Variants in GPR158 observed in about 807,000 individuals in gnomAD.
The protein encoded by GPR158 is G protein-coupled receptor 158.
A neutral mutation model predicts 78.2 loss-of-function variants in GPR158; 30 were observed. The ratio of observed to expected loss-of-function variants is 0.38; its 90% CI spans 0.29 to 0.52. GPR158 has a LOEUF of 0.52. GPR158 is among the 20% of genes least tolerant of loss of function. The pLI, the probability that GPR158 is intolerant of heterozygous loss-of-function variation, is 0.83. For synonymous variants in GPR158, 581 were observed against 591.1 expected (o/e 0.98, Z 0.25); for missense variants, 1,463 against 1,523.5 (o/e 0.96, Z 0.66).
chr10:25,414,942 G>C (rs958317346), intron 4 of GPR158, among the ~76,000 whole-genome samples: 1 of 152,122 alleles, frequency 6.6e-6, no homozygotes, highest in Non-Finnish European at 1.5e-5. Flanking sequence ...CATACTGTGA[G>C]ACTTTGTGAG....
At chr10:25,324,831 CT>C (rs34746907) in intron 2 of GPR158, among the ~76,000 whole-genome samples, 437 of 125,352 alleles carry the variant, frequency 3.5e-3, no homozygotes, top group Middle Eastern at 0.025. Flanking sequence ...TTTTTTCTTT[CT>C]TTTTTTTTTT....
chr10:25,571,748 G>GAGAT (rs1349925931), intron 6 of GPR158, among the ~76,000 whole-genome samples: 1 of 152,074 alleles, frequency 6.6e-6, no homozygotes, highest in Non-Finnish European at 1.5e-5. Context: ...AAAATATTTA[G>GAGAT]AGATAGAACA....
chr10:25,262,039 A>G (rs1853974890), intron 2 of GPR158, among the ~76,000 whole-genome samples: 1 of 152,146 alleles, frequency 6.6e-6, no homozygotes, highest in South Asian at 2.1e-4. Context: ...CAAGTAAAAC[A>G]AGTTGTTACA....
At chr10:25,238,891 T>A (rs1853566564) in intron 2 of GPR158, among the ~76,000 whole-genome samples, 1 of 152,244 alleles carries the variant, frequency 6.6e-6, no homozygotes, top group South Asian at 2.1e-4. Context: ...TATACAGGTA[T>A]AGCCATGAAT....
chr10:25,386,824 G>T (rs776763320), intron 2 of GPR158, among the ~76,000 whole-genome samples: 1 of 152,068 alleles, frequency 6.6e-6, no homozygotes, highest in African/African-American at 2.4e-5. Flanking sequence ...TATCCTACAT[G>T]TTTGCTGGAT....
chr10:25,337,753 C>T (rs553398935), intron 2 of GPR158, among the ~76,000 whole-genome samples: 1 of 152,022 alleles, frequency 6.6e-6, no homozygotes, highest in South Asian at 2.1e-4. Context: ...AAACTTCTAA[C>T]AGCCATATAT....
chr10:25,337,984 A>G (rs897028799), intron 2 of GPR158, among the ~76,000 whole-genome samples: 5 of 151,796 alleles, frequency 3.3e-5, no homozygotes, highest in African/African-American at 1.2e-4. Context: ...CTTTTTTCTT[A>G]TTGACCTATA....
intron 2 of GPR158, among the ~76,000 whole-genome samples, chr10:25,319,464 A>G (rs1344803337): frequency 1.3e-5 from 2 of 152,160 alleles, no homozygotes; most frequent in Non-Finnish European, 2.9e-5. Context: ...ACAGGGTACT[A>G]AAAGTAAAGT....
chr10:25,370,767 G>C (rs1833976883), intron 2 of GPR158, among the ~76,000 whole-genome samples: 1 of 150,252 alleles, frequency 6.7e-6, no homozygotes, highest in South Asian at 2.1e-4. Flanking sequence ...TGACAGTGGG[G>C]TGTTAAAGTC....
At chr10:25,578,335 C>T (rs117398868) in intron 7 of GPR158, among the ~76,000 whole-genome samples, 3 of 152,254 alleles carry the variant, frequency 2.0e-5, no homozygotes, top group African/African-American at 7.2e-5. Flanking sequence ...GTTGAAAGAA[C>T]AAAGCAGTCA....
At chr10:25,378,543 T>A (rs1010208967) in intron 2 of GPR158, among the ~76,000 whole-genome samples, 3 of 151,974 alleles carry the variant, frequency 2.0e-5, no homozygotes, top group African/African-American at 7.2e-5. Context: ...TCCTCTTTTC[T>A]TATGTTATTT....
At chr10:25,243,853 C>T (rs938607504) in intron 2 of GPR158, among the ~76,000 whole-genome samples, 3 of 152,180 alleles carry the variant, frequency 2.0e-5, no homozygotes, top group Admixed American at 1.3e-4. Context: ...GATTAGGCTA[C>T]TAGAGTTTCC....
At chr10:25,347,745 T>A (rs1250292369) in intron 2 of GPR158, among the ~76,000 whole-genome samples, 1 of 152,062 alleles carries the variant, frequency 6.6e-6, no homozygotes, top group Non-Finnish European at 1.5e-5. Flanking sequence ...TTACATAGCA[T>A]TTTGAACTTT....
rs150160316 is a variant in GPR158, at chr10:25,305,129, C to G, written c.1008+83972C>G. 2.9e-3 allele frequency among the ~76,000 whole-genome samples: 436 copies of G among 152,300 alleles called. 2 individuals carry two copies. Among genetic ancestry groups the G allele is most frequent in the African/African-American group, 0.01 (421 of 41,564 alleles). On this transcript the variant is annotated intron_variant, in intron 2 of 10. Transcript: ENST00000376351. ...TGTTTGCCTCTATGACCCTATCTCC[C>G]TGTAGAACTTGGCAAGGTCACCTAA...
intron 4 of GPR158, among the ~76,000 whole-genome samples, chr10:25,421,470 C>T (rs907525954): frequency 3.3e-5 from 5 of 152,102 alleles, no homozygotes; most frequent in Non-Finnish European, 7.4e-5. Flanking sequence ...TACCTTTAGT[C>T]CACCTATAGA....
At chr10:25,565,682 C>T (rs900216368) in intron 6 of GPR158, among the ~76,000 whole-genome samples, 8 of 152,178 alleles carry the variant, frequency 5.3e-5, no homozygotes, top group African/African-American at 1.9e-4. Flanking sequence ...CACTGGGCCT[C>T]AGAATTGTCT....
chr10:25,418,598 C>G (rs1239515822), intron 4 of GPR158, among the ~76,000 whole-genome samples: 1 of 150,270 alleles, frequency 6.7e-6, no homozygotes, highest in East Asian at 1.9e-4. Flanking sequence ...ACATTTTTTA[C>G]TAAATATTAT....
chr10:25,407,076 T>C (rs2130542823), intron 3 of GPR158, among the ~76,000 whole-genome samples: 1 of 152,310 alleles, frequency 6.6e-6, no homozygotes, highest in Admixed American at 6.5e-5. Flanking sequence ...TTGAATAACT[T>C]ATTTTTATAT....
At chr10:25,478,493 C>CGT (rs71399974) in intron 5 of GPR158, among the ~76,000 whole-genome samples, 1,664 of 145,156 alleles carry the variant, frequency 0.011, 12 homozygotes, top group Middle Eastern at 0.029. Flanking sequence ...ATATATAATG[C>CGT]GTGTGTGTGT....
Sources: gnomAD v4.1 joint callset for allele counts (sites outside exome capture counted in the v4.1 genomes callset) on GRCh38, gnomAD v4.1.1 for gene constraint, MANE v1.5 for transcripts, NCBI Gene and HGNC (gene_info 2026-07-23, HGNC 2026-07-21) for gene names.